BCL9: variants seen among roughly 807,000 people sequenced by gnomAD.
BCL9 encodes the protein BCL9 transcription coactivator.
Under a neutral mutation model 88.5 loss-of-function variants are expected in BCL9, and 25 were observed. That is an observed-to-expected ratio of 0.28 (90% CI 0.21 to 0.39). The LOEUF is 0.39. Among genes scored for constraint, BCL9 ranks in the 10% least tolerant of loss-of-function variants. The pLI, the probability that BCL9 is intolerant of heterozygous loss-of-function variation, is 1.00. For missense variants in BCL9, 1,817 were observed against 1,877.8 expected (o/e 0.97, Z 0.60); for synonymous variants, 711 against 673.3 (o/e 1.06, Z -0.87).
intron 1 of BCL9, among the ~76,000 whole-genome samples, chr1:147,587,030 C>CTCTT (rs1218803436): frequency 6.8e-6 from 1 of 147,568 alleles, no homozygotes; most frequent in Non-Finnish European, 1.5e-5. Context: ...CTCTTTCTCT[C>CTCTT]TCTCTCTATA....
At chr1:147,578,223 T>A (rs1308974207) in intron 1 of BCL9, among the ~76,000 whole-genome samples, 1 of 152,160 alleles carries the variant, frequency 6.6e-6, no homozygotes, top group Non-Finnish European at 1.5e-5. Context: ...GCAGGAACCA[T>A]GTGATACTCA....
chr1:147,625,976 A>T lies in BCL9; in HGVS notation c.*1017A>T, dbSNP rs1376352578. The T allele has an allele frequency of 4.3e-6, 1 of 231,554 alleles. No homozygotes were observed. The allele number at this position is 231,554 out of a possible 1,614,324, so 14.3% of individuals were successfully genotyped here. A position where few individuals can be genotyped will look rare whatever the true frequency, so the allele number is the denominator to read the frequency against. Reference sequence around the variant, plus strand: ...TTTCCCATCATACCCTTCCCTGCCCACCTTGTTTTCTGTTCTCCTTTTATT... The same window carrying T: ...TTTCCCATCATACCCTTCCCTGCCCTCCTTGTTTTCTGTTCTCCTTTTATT... On this transcript the variant is annotated 3_prime_UTR_variant, in exon 10 of 10. Coordinates refer to ENST00000234739, the MANE Select transcript of BCL9 (RefSeq NM_004326.4).
In BCL9 at chr1:147,577,499, C is replaced by T. The variant is rs1270574370; in HGVS notation, c.-477-27278C>T. Among the ~76,000 whole-genome samples, 9 of 152,170 alleles carry T rather than the reference C, an allele frequency of 5.9e-5. No homozygotes were observed. In the South Asian group the frequency reaches 8.3e-4, roughly 14 times the overall value. On this transcript the variant is annotated intron_variant, in intron 1 of 9. Transcript: ENST00000234739. Reference sequence around the variant, plus strand: ...CTTTGGCAAACAAAAGGACGAATGCCGTGGAATGTTCTGGAGGTATCATCT... The same window carrying T: ...CTTTGGCAAACAAAAGGACGAATGCTGTGGAATGTTCTGGAGGTATCATCT...
At chr1:147,549,212 A>G (rs1283535686) in intron 1 of BCL9, among the ~76,000 whole-genome samples, 1 of 151,884 alleles carries the variant, frequency 6.6e-6, no homozygotes, top group Non-Finnish European at 1.5e-5. Context: ...CCTGACCTCA[A>G]GCGATCCACC....
intron 2 of BCL9, among the ~76,000 whole-genome samples, 161 bp from the exon 3 acceptor site, chr1:147,606,623 T>C (rs1553202025): frequency 6.6e-6 from 1 of 152,154 alleles, no homozygotes; most frequent in Non-Finnish European, 1.5e-5. Context: ...CCTTCAAAAA[T>C]TGGGAGTTGA....
intron 1 of BCL9, among the ~76,000 whole-genome samples, chr1:147,596,935 A>G (rs1570879661): frequency 6.6e-6 from 1 of 152,308 alleles, no homozygotes. Context: ...AAGCCCTCTT[A>G]TAACCCTGAT....
At chr1:147,615,004 A>C (rs371884824) in intron 6 of BCL9, among the ~76,000 whole-genome samples, 4 of 152,048 alleles carry the variant, frequency 2.6e-5, no homozygotes, top group South Asian at 2.1e-4. Flanking sequence ...ACACCCAGCT[A>C]ATTTTTTGTA....
intron 1 of BCL9, among the ~76,000 whole-genome samples, chr1:147,543,754 G>A (rs1654433867): frequency 6.6e-6 from 1 of 152,124 alleles, no homozygotes; most frequent in South Asian, 2.1e-4. Context: ...CTGATCTGAG[G>A]CGGGTGCAAC....
intron 1 of BCL9, among the ~76,000 whole-genome samples, chr1:147,599,888 C>G (rs1657267246): frequency 6.7e-6 from 1 of 149,642 alleles, no homozygotes; most frequent in African/African-American, 2.5e-5. Flanking sequence ...GGGAGGGGGA[C>G]GAGCGACTTT....
rs1657731785 is a variant in BCL9, at chr1:147,606,775, CTCGTCTAGACAAGGG to C, written c.-342-6_-334del. The C allele has an allele frequency of 6.6e-6, 1 of 151,992 alleles. No individual in the cohort carries two copies. The highest frequency in any genetic ancestry group is 1.5e-5 in the Non-Finnish European group (1 of 67,896). 9.4% of individuals were successfully genotyped at this position (151,992 alleles called of 1,614,324 possible). A position where few individuals can be genotyped will look rare whatever the true frequency, so the allele number is the denominator to read the frequency against. On this transcript the variant is annotated splice_acceptor_variant and splice_polypyrimidine_tract_variant and 5_prime_UTR_variant and intron_variant, in exon 3 of 10. Coordinates refer to ENST00000234739, the MANE Select transcript of BCL9 (RefSeq NM_004326.4). LOFTEE classifies it low-confidence loss of function (5UTR_SPLICE). ...AATCTGCTTAGGACTTCTTTTTTTC[CTCGTCTAGACAAGGG>C]TCATCTTTGAGAAGGGGGTTCCTGG...
At chr1:147,577,262 C>T (rs1452359995) in intron 1 of BCL9, among the ~76,000 whole-genome samples, 3 of 152,134 alleles carry the variant, frequency 2.0e-5, no homozygotes. Flanking sequence ...CCTGCACATG[C>T]TCGGCTCTGG....
intron 7 of BCL9, 31 bp from the exon 8 acceptor site, chr1:147,618,785 A>AATG (rs1557858642): frequency 2.0e-6 from 3 of 1,494,618 alleles, no homozygotes; most frequent in East Asian, 4.7e-5. Flanking sequence ...TCAGTTTACT[A>AATG]ATGATTTTTA....
rs1658860181 is a variant in BCL9 at position 147,624,908 on chromosome 1, C to T, written c.4230C>T (p.Gly1410=). ...CCCGGGGCATGGCTGCTGACGTGGGCATGGGTGGATTTAGCCAAGGACCTG... is the reference window on the plus strand; with the variant it reads ...CCCGGGGCATGGCTGCTGACGTGGGTATGGGTGGATTTAGCCAAGGACCTG... ...MRPRGMAADV[G]MGGFSQGPGN... is the part of the protein sequence containing the mutation. Residue 1410 remains glycine, a synonymous_variant, in exon 10 of 10, where the codon GGC becomes GGT. Transcript: ENST00000234739. This position sits in a 1 kb window ranked among gnomAD's most constrained non-coding sequence, Gnocchi z 4.4. 5 of 1,613,450 alleles carry T rather than the reference C, an allele frequency of 3.1e-6. No homozygotes were observed. The South Asian group carries it at 5.5e-5, about 18-fold the overall frequency.
chr1:147,581,157 C>A (rs1490921549), intron 1 of BCL9, among the ~76,000 whole-genome samples: 3 of 152,172 alleles, frequency 2.0e-5, no homozygotes, highest in Non-Finnish European at 4.4e-5. Context: ...TCTGGTATGT[C>A]TTGTCTGGTA....
intron 1 of BCL9, among the ~76,000 whole-genome samples, chr1:147,574,062 A>C (rs1161152471): frequency 6.6e-6 from 1 of 152,148 alleles, no homozygotes; most frequent in Non-Finnish European, 1.5e-5. Context: ...TCACAGAATC[A>C]CTATATGACA....
At chr1:147,560,155 G>A (rs1655310126) in intron 1 of BCL9, among the ~76,000 whole-genome samples, 1 of 152,194 alleles carries the variant, frequency 6.6e-6, no homozygotes, top group African/African-American at 2.4e-5. Context: ...TGGTAGGCAA[G>A]GTGTGTGGGA....
At chr1:147,591,152 A>G (rs1044980057) in intron 1 of BCL9, among the ~76,000 whole-genome samples, 2 of 152,212 alleles carry the variant, frequency 1.3e-5, no homozygotes, top group East Asian at 3.8e-4. Flanking sequence ...GGGTATAATT[A>G]TAAATCACAT....
chr1:147,593,945 G>T (rs1471090049), intron 1 of BCL9, among the ~76,000 whole-genome samples: 2 of 152,126 alleles, frequency 1.3e-5, no homozygotes, highest in Non-Finnish European at 2.9e-5. Flanking sequence ...AGATGAAAAA[G>T]AAAACATTGT....
intron 1 of BCL9, among the ~76,000 whole-genome samples, chr1:147,577,741 G>A (rs1656173842): frequency 6.6e-6 from 1 of 151,600 alleles, no homozygotes; most frequent in African/African-American, 2.4e-5. Flanking sequence ...ATGATATGTT[G>A]GATCAATTGA....
Sources: allele counts gnomAD v4.1 joint callset (sites outside exome capture counted in the v4.1 genomes callset), GRCh38; gene constraint gnomAD v4.1.1; non-coding constraint Gnocchi (gnomAD v3.1); transcripts MANE v1.5; gene names NCBI Gene and HGNC (gene_info 2026-07-23, HGNC 2026-07-21).